MAPKAP1: variants seen among roughly 807,000 people sequenced by gnomAD.
MAPKAP1 encodes target of rapamycin complex 2 subunit MAPKAP1.
In MAPKAP1, 20 loss-of-function variants were observed where a neutral mutation model predicts 65.7. That is an observed-to-expected ratio of 0.30 (90% CI 0.21 to 0.44). MAPKAP1 has a LOEUF of 0.44. MAPKAP1 is among the 20% of genes least tolerant of loss of function. MAPKAP1 has a pLI of 1.00. For synonymous variants in MAPKAP1, 222 were observed against 244.3 expected (o/e 0.91, Z 0.85); for missense variants, 423 against 648.0 (o/e 0.65, Z 3.77).
chr9:125,694,897 A>C (rs766131263), intron 1 of MAPKAP1, among the ~76,000 whole-genome samples: 1 of 152,252 alleles, frequency 6.6e-6, no homozygotes, highest in African/African-American at 2.4e-5. Context: ...GCATATTCTT[A>C]TAAGTCCCAA....
chr9:125,673,393 A>C (rs898470183), intron 1 of MAPKAP1, among the ~76,000 whole-genome samples: 2 of 151,920 alleles, frequency 1.3e-5, no homozygotes, highest in Non-Finnish European at 1.5e-5. Context: ...TGCCCAGCTA[A>C]TTTTGTATTT....
At chr9:125,453,554 T>C (rs768593331) in intron 10 of MAPKAP1, among the ~76,000 whole-genome samples, 6 of 152,276 alleles carry the variant, frequency 3.9e-5, no homozygotes, top group Non-Finnish European at 8.8e-5. Context: ...AATATTCCTC[T>C]TTGATACTAC....
chr9:125,696,064 G>T (rs1464350071), intron 1 of MAPKAP1, among the ~76,000 whole-genome samples: 1 of 152,022 alleles, frequency 6.6e-6, no homozygotes, highest in African/African-American at 2.4e-5. Context: ...AGAGTAAAAG[G>T]CAACAATTCA....
chr9:125,515,530 T>G (rs754748558), intron 7 of MAPKAP1, among the ~76,000 whole-genome samples: 117 of 152,214 alleles, frequency 7.7e-4, no homozygotes, highest in Non-Finnish European at 1.4e-3. Context: ...AATGAGAAGG[T>G]AGCCCCCTCT....
At chr9:125,671,868 C>G (rs1322337870) in intron 2 of MAPKAP1, among the ~76,000 whole-genome samples, 1 of 152,150 alleles carries the variant, frequency 6.6e-6, no homozygotes, top group Non-Finnish European at 1.5e-5. Context: ...CCCATTTCCC[C>G]ACTCCCCCAC....
chr9:125,621,079 C>T (rs935085460), intron 4 of MAPKAP1, among the ~76,000 whole-genome samples: 2 of 152,010 alleles, frequency 1.3e-5, no homozygotes, highest in African/African-American at 4.8e-5. Context: ...TGGGACCAGC[C>T]TGGGCAATAT....
At chr9:125,625,518 G>C (rs1833091698) in intron 4 of MAPKAP1, among the ~76,000 whole-genome samples, 1 of 152,188 alleles carries the variant, frequency 6.6e-6, no homozygotes, top group South Asian at 2.1e-4. Flanking sequence ...AGGACTGCTG[G>C]GTGTGGCAGC....
intron 10 of MAPKAP1, among the ~76,000 whole-genome samples, chr9:125,463,802 T>G (rs1289630582): frequency 6.6e-6 from 1 of 152,230 alleles, no homozygotes; most frequent in Non-Finnish European, 1.5e-5. Context: ...TATGCTTAAT[T>G]GAGATACAGC....
intron 2 of MAPKAP1, among the ~76,000 whole-genome samples, chr9:125,672,097 C>G (rs1238089699): frequency 2.6e-5 from 4 of 152,182 alleles, no homozygotes; most frequent in African/African-American, 9.7e-5. Flanking sequence ...TTTTCACTAT[C>G]CCCCTTCTGT....
At chr9:125,693,274 C>T (rs1370169473) in intron 1 of MAPKAP1, among the ~76,000 whole-genome samples, 2 of 151,802 alleles carry the variant, frequency 1.3e-5, no homozygotes, top group Non-Finnish European at 2.9e-5. Context: ...ACTAGCCAAG[C>T]GTGGTGGCAC....
intron 4 of MAPKAP1, among the ~76,000 whole-genome samples, chr9:125,594,017 C>A (rs997593028): frequency 5.9e-5 from 9 of 152,206 alleles, no homozygotes; most frequent in Non-Finnish European, 1.0e-4. Context: ...AGCTAGGAAT[C>A]CTAATTCCTC....
intron 10 of MAPKAP1, among the ~76,000 whole-genome samples, chr9:125,451,662 T>C (rs1442163944): frequency 6.6e-6 from 1 of 152,182 alleles, no homozygotes; most frequent in African/African-American, 2.4e-5. Context: ...ACTGGGCATT[T>C]GGTCTCCTAG....
intron 7 of MAPKAP1, among the ~76,000 whole-genome samples, chr9:125,510,415 T>C (rs1163879010): frequency 6.6e-6 from 1 of 152,180 alleles, no homozygotes; most frequent in African/African-American, 2.4e-5. Flanking sequence ...AACCCACACA[T>C]ACCAAGTATT....
chr9:125,448,247 A>T (rs1283821394), intron 10 of MAPKAP1, among the ~76,000 whole-genome samples: 1 of 152,006 alleles, frequency 6.6e-6, no homozygotes, highest in Non-Finnish European at 1.5e-5. Flanking sequence ...GGATGGGGAG[A>T]CTCTTTCACA....
At chr9:125,665,663 T>C (rs1205302242) in intron 3 of MAPKAP1, among the ~76,000 whole-genome samples, 3 of 151,994 alleles carry the variant, frequency 2.0e-5, no homozygotes, top group Non-Finnish European at 4.4e-5. Flanking sequence ...AAAACATAAC[T>C]TTGTGGGCCC....
intron 4 of MAPKAP1, among the ~76,000 whole-genome samples, chr9:125,651,722 C>T (rs1437894056): frequency 2.0e-5 from 3 of 152,212 alleles, no homozygotes; most frequent in African/African-American, 7.2e-5. Flanking sequence ...ACTAAGCAAG[C>T]AAAGCCCTGG....
At chr9:125,688,850 G>A (rs1024552198) in intron 1 of MAPKAP1, among the ~76,000 whole-genome samples, 3 of 152,112 alleles carry the variant, frequency 2.0e-5, no homozygotes, top group African/African-American at 4.8e-5. Flanking sequence ...CCAAGGCCAC[G>A]CAACTAGTAA....
intron 4 of MAPKAP1, among the ~76,000 whole-genome samples, chr9:125,611,053 T>C (rs899130082): frequency 3.3e-5 from 5 of 152,184 alleles, no homozygotes; most frequent in Admixed American, 6.5e-5. Flanking sequence ...AGGTGTGATA[T>C]ATTATGGTTG....
chr9:125,550,888 T>G (rs1830563218), intron 6 of MAPKAP1, among the ~76,000 whole-genome samples: 1 of 152,228 alleles, frequency 6.6e-6, no homozygotes, highest in African/African-American at 2.4e-5. Flanking sequence ...TAATTTATAC[T>G]CATTTTGTCA....
Sources: gnomAD v4.1 joint callset for allele counts (sites outside exome capture counted in the v4.1 genomes callset) on GRCh38, gnomAD v4.1.1 for gene constraint, MANE v1.5 for transcripts, NCBI Gene and HGNC (gene_info 2026-07-23, HGNC 2026-07-21) for gene names.